Variants in FN1 observed in about 807,000 individuals in gnomAD.
FN1 encodes the protein fibronectin 1.
In FN1, 106 loss-of-function variants were observed where a neutral mutation model predicts 297.3. The observed-to-expected ratio is 0.36, with a 90% CI of 0.30 to 0.42. The LOEUF is 0.42. Ranked by LOEUF, FN1 falls within the 10% of genes least tolerant of loss-of-function variation. FN1 has a pLI of 1.00. For missense variants in FN1, 2,690 were observed against 3,124.9 expected (o/e 0.86, Z 3.32); for synonymous variants, 1,149 against 1,152.6 (o/e 1.00, Z 0.06).
In FN1 at chr2:215,404,670, G is replaced by T; in HGVS notation, c.2987-15C>A. The T allele has an allele frequency of 6.2e-7, 1 of 1,609,870 alleles. No homozygotes were observed. The highest frequency in any genetic ancestry group is 2.2e-5 in the East Asian group (1 of 44,866). On this transcript the variant is annotated splice_polypyrimidine_tract_variant and intron_variant, in intron 19 of 45. Transcript: ENST00000354785. ...AGCATCCAGTTCTAGGAAAAAAGATGAAACATGCCAAGAAATATTTAGATC... is the reference window on the plus strand; with the variant it reads ...AGCATCCAGTTCTAGGAAAAAAGATTAAACATGCCAAGAAATATTTAGATC...
chr2:215,428,485 T>C (rs924849764), intron 5 of FN1, 147 bp from the exon 6 acceptor site: 4 of 736,662 alleles, frequency 5.4e-6, no homozygotes, highest in Non-Finnish European at 9.5e-6. Context: ...GGTATTACAC[T>C]TCTGAAAGAT....
At chr2:215,370,552 A>C in intron 40 of FN1, 120 bp from the exon 41 acceptor site, 2 of 476,492 alleles carry the variant, frequency 4.2e-6, no homozygotes, top group Non-Finnish European at 6.7e-6. Context: ...AAAAACAAAA[A>C]ACAAAAAAAA....
intron 26 of FN1, among the ~76,000 whole-genome samples, 160 bp from the exon 27 acceptor site, chr2:215,388,461 C>T (rs943437121): frequency 1.3e-5 from 2 of 152,230 alleles, no homozygotes; most frequent in African/African-American, 2.4e-5. Flanking sequence ...GTGAACAGAC[C>T]TTGAGAAGGT....
At chr2:215,427,576 A>T (rs1205132498) in intron 6 of FN1, among the ~76,000 whole-genome samples, 1 of 152,206 alleles carries the variant, frequency 6.6e-6, no homozygotes, top group Non-Finnish European at 1.5e-5. Flanking sequence ...TCCTCTCTGA[A>T]TTTCTAAAAT....
At chr2:215,368,967 CAGT>C (rs1203213035) in intron 41 of FN1, among the ~76,000 whole-genome samples, 10 of 152,076 alleles carry the variant, frequency 6.6e-5, no homozygotes, top group Non-Finnish European at 1.2e-4. Flanking sequence ...AGCTCAAAAG[CAGT>C]AGATATTTGA....
At position 215,409,692 on chromosome 2, in the gene FN1, T is replaced by C. The variant is rs139073816; in HGVS notation, c.2170A>G (p.Thr724Ala). ...GTGATTTCGGTCACAGATTCAGAAG[T>C]GGCCACAAGAGGAGAAAAGGGAGTC... is the stretch of plus-strand genomic sequence containing the variant. ...ETTPFSPLVA[T>A]SESVTEITAS... Residue 724 changes from threonine (T) to alanine (A), a missense_variant, in exon 15 of 46, where the codon ACT becomes GCT. Coordinates refer to ENST00000354785, the MANE Select transcript of FN1 (RefSeq NM_212482.4). The C allele has an allele frequency of 3.1e-6, 5 of 1,613,768 alleles. No homozygotes were observed. In the African/African-American group the frequency reaches 6.7e-5, roughly 22 times the overall value.
At chr2:215,382,411 T>C in intron 31 of FN1, 86 bp from the exon 32 acceptor site, 1 of 805,056 alleles carries the variant, frequency 1.2e-6, no homozygotes, top group East Asian at 2.5e-5. Context: ...GTAGTAAACA[T>C]ATGGTGGCCT....
chr2:215,428,822 C>A (rs2106494108), intron 5 of FN1, among the ~76,000 whole-genome samples: 1 of 152,162 alleles, frequency 6.6e-6, no homozygotes, highest in South Asian at 2.1e-4. Context: ...CCAGCCTGGG[C>A]AACATGGTGA....
intron 15 of FN1, among the ~76,000 whole-genome samples, 180 bp downstream of exon 15, chr2:215,409,383 C>T (rs1465748000): frequency 3.3e-5 from 5 of 152,120 alleles, no homozygotes; most frequent in African/African-American, 7.2e-5. Flanking sequence ...GGGAAAAACC[C>T]GGCCACTTCT....
At position 215,361,383 on chromosome 2, in the gene FN1, C is replaced by T; in HGVS notation, c.*172G>A. On this transcript the variant is annotated 3_prime_UTR_variant, in exon 46 of 46. Transcript: ENST00000354785. ...TTTATGAGAAAACCCTCAGGAAACTCCCAGGGTGATGCTTGGAGAAGCTGT... is the reference window on the plus strand; with the variant it reads ...TTTATGAGAAAACCCTCAGGAAACTTCCAGGGTGATGCTTGGAGAAGCTGT... 2.8e-6 allele frequency: 2 copies of T among 710,030 alleles called. No individual in the cohort carries two copies. Among genetic ancestry groups the T allele is most frequent in the Admixed American group, 2.0e-5 (1 of 48,974 alleles). The allele number at this position is 710,030 out of a possible 1,614,324, so 44.0% of individuals were successfully genotyped here.
intron 42 of FN1, 24 bp from the exon 43 acceptor site, chr2:215,365,654 A>C: frequency 6.2e-7 from 1 of 1,613,486 alleles, no homozygotes; most frequent in Non-Finnish European, 8.5e-7. Flanking sequence ...GAAAGTCAGG[A>C]CCAAAAAGTT....
chr2:215,411,299 T>G lies in FN1; in HGVS notation c.1942-1185A>C, dbSNP rs184597994. On this transcript the variant is annotated intron_variant, in intron 13 of 45. Coordinates refer to ENST00000354785, the MANE Select transcript of FN1 (RefSeq NM_212482.4). ...CAAGTGTAAATACTCTAAACTAATA[T>G]AAGTCAAAATATATTTTTTGTGCCC... 4.6e-5 allele frequency among the ~76,000 whole-genome samples: 7 copies of G among 152,310 alleles called. No individual in the cohort carries two copies. The East Asian group carries it at 1.2e-3, about 25-fold the overall frequency.
intron 8 of FN1, 46 bp from the exon 9 acceptor site, chr2:215,423,572 G>C: frequency 6.4e-7 from 1 of 1,566,092 alleles, no homozygotes; most frequent in Non-Finnish European, 8.8e-7. Flanking sequence ...TTACCGCTGA[G>C]CTTTCCAATG....
At chr2:215,381,170 C>A in intron 32 of FN1, 90 bp from the exon 33 acceptor site, 1 of 1,315,204 alleles carries the variant, frequency 7.6e-7, no homozygotes, top group South Asian at 1.2e-5. Context: ...TTGCAGATAC[C>A]ATTTTCTTTG....
At position 215,373,375 on chromosome 2, in the gene FN1, A is replaced by G. The variant is rs2056614722; in HGVS notation, c.6194T>C (p.Ile2065Thr). The change falls in exon 39 of 46, where the codon ATT becomes ACT. Residue 2065 changes from isoleucine (I) to threonine (T), a missense_variant. By Grantham distance (89) the Ile-to-Thr change is moderately conservative. Transcript: ENST00000354785. The part of the protein sequence containing the change: ...EPGTEYTIYV[I>T]ALKNNQKSEP... ...GCTCTTCTGATTATTCTTCAGGGCA[A>G]TGACATAAATTGTATATTCGGTTCC... The G allele has an allele frequency of 6.2e-7, 1 of 1,613,310 alleles. No homozygotes were observed. The highest frequency in any genetic ancestry group is 1.3e-5 in the African/African-American group (1 of 74,834).
chr2:215,409,652 A>G lies in FN1; in HGVS notation c.2210T>C (p.Val737Ala). Residue 737 changes from valine (V) to alanine (A), a missense_variant, in exon 15 of 46, where the codon GTG (valine) becomes GCG (alanine). By Grantham distance (64) the Val-to-Ala change is moderately conservative. Around this residue, in one of 3 missense-constraint regions of FN1, gnomAD observed 876 missense variants for 1,058.1 expected, o/e 0.83. Transcript: ENST00000354785. ...SVTEITASSFVVSWVSASDTV... is the reference protein window; with the variant it reads ...SVTEITASSFAVSWVSASDTV... The stretch of plus-strand genomic sequence containing the variant: ...GTCGGAAGCTGAGACCCAGGAGACC[A>G]CAAAGCTACTGGCTGTGATTTCGGT... 2 of 1,613,882 alleles carry G rather than the reference A, an allele frequency of 1.2e-6. No individual in the cohort carries two copies. Among genetic ancestry groups the G allele is most frequent in the South Asian group, 2.2e-5 (2 of 91,074 alleles).
At chr2:215,421,664 G>A (rs1405162073) in intron 10 of FN1, among the ~76,000 whole-genome samples, 2 of 152,174 alleles carry the variant, frequency 1.3e-5, no homozygotes, top group Non-Finnish European at 2.9e-5. Context: ...ATCTGAACAA[G>A]GAAAGTTAGT....
chr2:215,433,989 C>G (rs1354794110), intron 2 of FN1, among the ~76,000 whole-genome samples: 1 of 152,200 alleles, frequency 6.6e-6, no homozygotes, highest in African/African-American at 2.4e-5. Context: ...GTAGTCCCAG[C>G]TACTCAGGAG....
chr2:215,409,774 A>G, intron 14 of FN1, 35 bp from the exon 15 acceptor site: 1 of 1,612,208 alleles, frequency 6.2e-7, no homozygotes, highest in Non-Finnish European at 8.5e-7. Context: ...GTCAGCCTTC[A>G]GTCATCTAGA....
Sources: allele counts gnomAD v4.1 joint callset (sites outside exome capture counted in the v4.1 genomes callset), GRCh38; gene constraint gnomAD v4.1.1; regional missense constraint gnomAD v4.1.1; transcripts MANE v1.5; gene names NCBI Gene and HGNC (gene_info 2026-07-23, HGNC 2026-07-21).